AZGP1: variants seen among roughly 807,000 people sequenced by gnomAD.
The protein encoded by AZGP1 is zinc-alpha-2-glycoprotein.
A neutral mutation model predicts 31.5 loss-of-function variants in AZGP1; 28 were observed. That is an observed-to-expected ratio of 0.89 (90% CI 0.66 to 1.22). The LOEUF is 1.22. AZGP1 is among the 50% of genes most tolerant of loss of function. The pLI, the probability that AZGP1 is intolerant of heterozygous loss-of-function variation, is 0.00. For missense variants in AZGP1, 361 were observed against 371.8 expected, an observed-to-expected ratio of 0.97 and a Z score of 0.24; for synonymous variants, 135 against 145.4, an observed-to-expected ratio of 0.93 and a Z score of 0.51.
At chr7:99,972,774 A>T (rs570282672) in intron 1 of AZGP1, among the ~76,000 whole-genome samples, 1 of 152,272 alleles carries the variant, frequency 6.6e-6, no homozygotes, top group Non-Finnish European at 1.5e-5. Flanking sequence ...AGATCATGCC[A>T]CTGCACTCCA....
intron 1 of AZGP1, among the ~76,000 whole-genome samples, chr7:99,975,368 A>G (rs967994075): frequency 4.6e-5 from 7 of 152,098 alleles, no homozygotes; most frequent in Non-Finnish European, 1.0e-4. Flanking sequence ...GCACATTCTC[A>G]TGCCACAAAC....
rs1400534251 is a variant in AZGP1, at chr7:99,967,083, GC to G, written c.816del (p.Gln273ArgfsTer63). ...YQSWVVVAVP[P>X]QDTAPYSCHV... ...TGGCAGGAGTAGGGGGCTGTGTCCTGCGGGGGCACTGCCACCACCACCCAGG... is the reference window on the plus strand; with the variant it reads ...TGGCAGGAGTAGGGGGCTGTGTCCTGGGGGGCACTGCCACCACCACCCAGG... On this transcript the variant is annotated frameshift_variant, in exon 4 of 4. Coordinates refer to ENST00000292401, the MANE Select transcript of AZGP1 (RefSeq NM_001185.4). LOFTEE classifies it high-confidence loss of function. 6.2e-7 allele frequency: 1 copy of G among 1,614,020 alleles called. No homozygotes were observed. The highest frequency in any genetic ancestry group is 1.3e-5 in the African/African-American group (1 of 74,898).
intron 2 of AZGP1, among the ~76,000 whole-genome samples, chr7:99,970,463 G>A (rs374977245): frequency 1.5e-4 from 23 of 151,892 alleles, no homozygotes; most frequent in South Asian, 6.2e-4. Context: ...GGCTGGTCTC[G>A]AACTCCTGAC....
At chr7:99,968,110 CT>C (rs1789518448) in intron 3 of AZGP1, 44 bp downstream of exon 3, 13 of 1,608,882 alleles carry the variant, frequency 8.1e-6, no homozygotes, top group Non-Finnish European at 1.1e-5. Flanking sequence ...CTGAGATCGT[CT>C]TTTATTCTGG....
At chr7:99,972,945 G>A (rs778596806) in intron 1 of AZGP1, among the ~76,000 whole-genome samples, 1 of 152,030 alleles carries the variant, frequency 6.6e-6, no homozygotes, top group Non-Finnish European at 1.5e-5. Flanking sequence ...GTGAAACCCC[G>A]TCTCTACTAA....
rs1789486868 is a variant in AZGP1, at chr7:99,966,860, A to T, written c.*143T>A. The T allele has an allele frequency of 7.6e-7, 1 of 1,307,814 alleles. No individual in the cohort carries two copies. The highest frequency in any genetic ancestry group is 1.0e-6 in the Non-Finnish European group (1 of 955,980). 81.0% of individuals were successfully genotyped at this position (1,307,814 alleles called of 1,614,324 possible). A position where few individuals can be genotyped will look rare whatever the true frequency, so the allele number is the denominator to read the frequency against. The stretch of plus-strand genomic sequence containing the variant: ...CAGGCATCCCAGTCTTCGGTCTCCA[A>T]ATCCACCTCCTGTCTGTCCCCCCAC... On this transcript the variant is annotated 3_prime_UTR_variant, in exon 4 of 4. Coordinates refer to ENST00000292401, the MANE Select transcript of AZGP1 (RefSeq NM_001185.4).
Position 99,971,990 on chromosome 7 carries a change from G to A in AZGP1, c.93C>T (p.Thr31=). The change falls in exon 2 of 4, where the codon ACC becomes ACT. Residue 31 remains threonine, a synonymous_variant. Transcript: ENST00000292401. The part of the protein sequence containing the change: ...QENQDGRYSL[T]YIYTGLSKHV... The stretch of plus-strand genomic sequence containing the variant: ...GCTTGGACAGCCCAGTGTAGATATA[G>A]GTCAGAGAGTAACGACCTGCAAAAG... 1.2e-6 allele frequency: 2 copies of A among 1,610,212 alleles called. No individual in the cohort carries two copies. Among genetic ancestry groups the A allele is most frequent in the Non-Finnish European group, 1.7e-6 (2 of 1,177,802 alleles).
At chr7:99,972,151 C>T in intron 1 of AZGP1, 145 bp from the exon 2 acceptor site, 3 of 896,872 alleles carry the variant, frequency 3.3e-6, no homozygotes, top group Non-Finnish European at 4.9e-6. Context: ...TGGAGGCTCA[C>T]TCAAGTGAAT....
chr7:99,968,825 T>A (rs1789534156), intron 2 of AZGP1: 1 of 223,232 alleles, frequency 4.5e-6, no homozygotes, highest in African/African-American at 2.4e-5. Context: ...TAGCGCAGCA[T>A]GGTGGTGCAT....
chr7:99,972,175 A>T (rs1404397092), intron 1 of AZGP1, among the ~76,000 whole-genome samples, 169 bp from the exon 2 acceptor site: 1 of 152,186 alleles, frequency 6.6e-6, no homozygotes, highest in Non-Finnish European at 1.5e-5. Flanking sequence ...CTCTACTTTC[A>T]TGCCTGAGAT....
intron 2 of AZGP1, among the ~76,000 whole-genome samples, chr7:99,970,045 C>T (rs1278654370): frequency 6.6e-6 from 1 of 152,070 alleles, no homozygotes; most frequent in Non-Finnish European, 1.5e-5. Flanking sequence ...GGTCTCTCCC[C>T]AGCCCCCCAC....
At chr7:99,972,137 C>G in intron 1 of AZGP1, 131 bp from the exon 2 acceptor site, 1 of 1,021,354 alleles carries the variant, frequency 9.8e-7, no homozygotes, top group Non-Finnish European at 1.4e-6. Flanking sequence ...CAACTTCACA[C>G]CACTGGAGGC....
chr7:99,972,893 G>A (rs1315296936), intron 1 of AZGP1, among the ~76,000 whole-genome samples: 2 of 152,012 alleles, frequency 1.3e-5, no homozygotes, highest in African/African-American at 2.4e-5. Context: ...CGAGGCGGGT[G>A]GATCACGAGG....
At chr7:99,970,762 G>C (rs1789563982) in intron 2 of AZGP1, among the ~76,000 whole-genome samples, 1 of 151,714 alleles carries the variant, frequency 6.6e-6, no homozygotes, top group Non-Finnish European at 1.5e-5. Context: ...TCTCTTTCTT[G>C]CCTCCTTTTG....
At chr7:99,973,874 C>T (rs1789617141) in intron 1 of AZGP1, among the ~76,000 whole-genome samples, 1 of 150,326 alleles carries the variant, frequency 6.7e-6, no homozygotes, top group Admixed American at 6.7e-5. Flanking sequence ...CAAGATTGCA[C>T]CACTGCATTC....
intron 3 of AZGP1, chr7:99,967,871 C>T (rs1173509479): frequency 1.7e-6 from 1 of 593,476 alleles, no homozygotes; most frequent in Non-Finnish European, 3.0e-6. Flanking sequence ...TTACCCTCAC[C>T]TCCCTAACCT....
chr7:99,972,496 T>C (rs966331262), intron 1 of AZGP1, among the ~76,000 whole-genome samples: 5 of 152,172 alleles, frequency 3.3e-5, no homozygotes, highest in African/African-American at 2.4e-5. Flanking sequence ...CCAGTGTGCA[T>C]GGAATCTGAC....
At chr7:99,974,663 T>G (rs1789630438) in intron 1 of AZGP1, among the ~76,000 whole-genome samples, 1 of 152,176 alleles carries the variant, frequency 6.6e-6, no homozygotes, top group Non-Finnish European at 1.5e-5. Context: ...GGATTGTCTG[T>G]AACACAAACG....
chr7:99,973,009 C>T (rs972220390), intron 1 of AZGP1, among the ~76,000 whole-genome samples: 13 of 151,852 alleles, frequency 8.6e-5, no homozygotes, highest in Middle Eastern at 3.4e-3. Context: ...CCCAGCTACT[C>T]AGGAGGCTGA....
Sources: gnomAD v4.1 joint callset for allele counts (sites outside exome capture counted in the v4.1 genomes callset) on GRCh38, gnomAD v4.1.1 for gene constraint, MANE v1.5 for transcripts, NCBI Gene and HGNC (gene_info 2026-07-23, HGNC 2026-07-21) for gene names.